Variants in GPC6 observed in about 807,000 individuals in gnomAD.
The protein encoded by GPC6 is glypican-6.
A neutral mutation model predicts 55.2 loss-of-function variants in GPC6; 14 were observed. That is an observed-to-expected ratio of 0.25 (90% CI 0.17 to 0.40). The LOEUF (loss-of-function observed/expected upper bound fraction) is 0.40. Among genes scored for constraint, GPC6 ranks in the 10% least tolerant of loss-of-function variants. The pLI is 1.00. For missense variants in GPC6, 641 were observed against 708.5 expected (o/e 0.90, Z 1.08); for synonymous variants, 278 against 259.6 (o/e 1.07, Z -0.68).
At chr13:93,661,358 C>T (rs1240457049) in intron 2 of GPC6, among the ~76,000 whole-genome samples, 1 of 152,090 alleles carries the variant, frequency 6.6e-6, no homozygotes, top group Non-Finnish European at 1.5e-5. Flanking sequence ...AGAATACAGG[C>T]ACCCACCACC....
chr13:94,344,727 G>C (rs1878202420), intron 6 of GPC6, among the ~76,000 whole-genome samples: 2 of 152,216 alleles, frequency 1.3e-5, no homozygotes, highest in Admixed American at 1.3e-4. Flanking sequence ...TTTGGACACT[G>C]ACACTATCTG....
intron 2 of GPC6, among the ~76,000 whole-genome samples, chr13:93,732,975 A>G (rs1176025575): frequency 2.6e-5 from 4 of 152,054 alleles, no homozygotes; most frequent in African/African-American, 9.7e-5. Flanking sequence ...TACATTTACA[A>G]GACATCTCAA....
rs188369632 is a variant in GPC6 at position 94,261,362 on chromosome 13, G to A, written c.878-24987G>A. On this transcript the variant is annotated intron_variant, in intron 4 of 8. Transcript: ENST00000377047. ...TGACACTGTTCTTGAAAAAGAGGAA[G>A]CTATTTGAAGAATGGGTTCAGCAGG... Among the ~76,000 whole-genome samples, 101 of 152,274 alleles carry A rather than the reference G, an allele frequency of 6.6e-4. 1 individual carries two copies. Among genetic ancestry groups the A allele is most frequent in the Non-Finnish European group, 3.5e-4 (24 of 68,026 alleles).
At chr13:93,481,639 A>AT (rs71202585) in intron 1 of GPC6, among the ~76,000 whole-genome samples, 40,661 of 150,028 alleles carry the variant, frequency 0.27, 5,653 homozygotes, top group East Asian at 0.37. Context: ...ATCCAGCTTC[A>AT]TTTTTTTTTT....
At chr13:94,004,920 G>A (rs1030334463) in intron 3 of GPC6, among the ~76,000 whole-genome samples, 2 of 152,042 alleles carry the variant, frequency 1.3e-5, no homozygotes, top group Admixed American at 1.3e-4. Flanking sequence ...AAATTAGCTG[G>A]GCGTGGTGGT....
chr13:93,586,284 AC>A (rs1877194531), intron 2 of GPC6, among the ~76,000 whole-genome samples: 1 of 152,230 alleles, frequency 6.6e-6, no homozygotes, highest in South Asian at 2.1e-4. Flanking sequence ...CCTGCAAAGG[AC>A]ATGATCTCAT....
chr13:93,747,988 AATAG>A (rs1181147683), intron 2 of GPC6, among the ~76,000 whole-genome samples: 1 of 152,160 alleles, frequency 6.6e-6, no homozygotes, highest in Non-Finnish European at 1.5e-5. Context: ...ATGACTTGAT[AATAG>A]ATAATGTAAA....
At chr13:93,735,837 C>T (rs1883982122) in intron 2 of GPC6, among the ~76,000 whole-genome samples, 1 of 152,184 alleles carries the variant, frequency 6.6e-6, no homozygotes, top group African/African-American at 2.4e-5. Flanking sequence ...TGATCCATTT[C>T]TATGCTGGAT....
intron 4 of GPC6, among the ~76,000 whole-genome samples, chr13:94,201,673 G>A (rs1316887016): frequency 2.0e-5 from 3 of 152,124 alleles, no homozygotes; most frequent in African/African-American, 4.8e-5. Flanking sequence ...CATAGCGGCC[G>A]GGCATGGTGG....
intron 3 of GPC6, among the ~76,000 whole-genome samples, chr13:93,873,376 C>T (rs149784761): frequency 1.3e-5 from 2 of 151,960 alleles, no homozygotes; most frequent in South Asian, 2.1e-4. Flanking sequence ...GTCAGAGAAA[C>T]GATTTTCCTT....
intron 1 of GPC6, among the ~76,000 whole-genome samples, chr13:93,464,303 T>C (rs376497647): frequency 1.9e-4 from 29 of 152,322 alleles, no homozygotes; most frequent in African/African-American, 6.7e-4. Flanking sequence ...GCTCTTTCTT[T>C]GGTGAAGTAT....
chr13:94,002,012 A>T (rs749599484), intron 3 of GPC6, among the ~76,000 whole-genome samples: 1 of 152,006 alleles, frequency 6.6e-6, no homozygotes, highest in Non-Finnish European at 1.5e-5. Context: ...TGTTAAAGTT[A>T]TGCTCCTACC....
chr13:93,740,731 A>G (rs1884172027), intron 2 of GPC6, among the ~76,000 whole-genome samples: 1 of 152,216 alleles, frequency 6.6e-6, no homozygotes, highest in Non-Finnish European at 1.5e-5. Context: ...ATTTAATGCT[A>G]ATTTCAAAGA....
intron 1 of GPC6, among the ~76,000 whole-genome samples, chr13:93,250,024 G>A (rs1302620337): frequency 6.6e-6 from 1 of 152,146 alleles, no homozygotes; most frequent in Non-Finnish European, 1.5e-5. Flanking sequence ...CTAGCTGACA[G>A]TCAATCAAGT....
rs150927475 is a variant in GPC6, at chr13:93,978,720, C to T, written c.712-49009C>T. On this transcript the variant is annotated intron_variant, in intron 3 of 8. Transcript: ENST00000377047. ...TACAAGGTCCACTTCCTTCTCTCAACTGAGGTTTTTCCTATAACCTCAAAT... is the reference window on the plus strand; with the variant it reads ...TACAAGGTCCACTTCCTTCTCTCAATTGAGGTTTTTCCTATAACCTCAAAT... Among the ~76,000 whole-genome samples the T allele has an allele frequency of 2.6e-5, 4 of 152,230 alleles. No individual in the cohort carries two copies. In the East Asian group the frequency reaches 7.7e-4, roughly 29 times the overall value.
intron 2 of GPC6, among the ~76,000 whole-genome samples, chr13:93,666,663 T>G (rs1476884219): frequency 6.6e-6 from 1 of 152,238 alleles, no homozygotes; most frequent in Non-Finnish European, 1.5e-5. Flanking sequence ...TGTCTTTTAT[T>G]CTTTTAATGT....
intron 3 of GPC6, among the ~76,000 whole-genome samples, chr13:93,987,277 A>G (rs1244190455): frequency 6.6e-6 from 1 of 152,222 alleles, no homozygotes; most frequent in East Asian, 1.9e-4. Flanking sequence ...ATTGTGTTCA[A>G]TTATGCATCC....
At chr13:93,942,860 G>T (rs2140364774) in intron 3 of GPC6, among the ~76,000 whole-genome samples, 1 of 152,252 alleles carries the variant, frequency 6.6e-6, no homozygotes, top group African/African-American at 2.4e-5. Flanking sequence ...AGATTCAGAT[G>T]CTAATGGAAG....
chr13:93,499,684 C>T (rs9301887), intron 1 of GPC6, among the ~76,000 whole-genome samples: 40,856 of 152,060 alleles, frequency 0.27, 5,665 homozygotes, highest in South Asian at 0.3. Flanking sequence ...GCTGAGTGGA[C>T]GACATGCTGA....
Sources: gnomAD v4.1 joint callset for allele counts (sites outside exome capture counted in the v4.1 genomes callset) on GRCh38, gnomAD v4.1.1 for gene constraint, MANE v1.5 for transcripts, NCBI Gene and HGNC (gene_info 2026-07-23, HGNC 2026-07-21) for gene names.